The following TPTE2 variants were observed in gnomAD, a reference collection of about 807,000 sequenced individuals.
TPTE2 encodes the protein transmembrane phosphoinositide 3-phosphatase and tensin homolog 2.
In TPTE2, 53 loss-of-function variants were observed where a neutral mutation model predicts 78.6. That is an observed-to-expected ratio of 0.67 (90% CI 0.54 to 0.85). The LOEUF is 0.85. TPTE2 is among the 40% of genes least tolerant of loss of function. TPTE2 has a pLI of 0.00. For synonymous variants in TPTE2, 175 were observed against 206.2 expected, an observed-to-expected ratio of 0.85 and a Z score of 1.30; for missense variants, 461 against 623.0, an observed-to-expected ratio of 0.74 and a Z score of 2.77.
chr13:19,555,803 CTTTTTTTTTTT>C, the TPTE2 span, among the ~76,000 whole-genome samples: 4 of 81,038 alleles, frequency 4.9e-5, no homozygotes, highest in African/African-American at 1.5e-4. Flanking sequence ...CAACAAATTT[CTTTTTTTTTTT>C]TTTTTTTTTT....
chr13:19,561,468 C>A, the TPTE2 span, among the ~76,000 whole-genome samples: 1 of 152,142 alleles, frequency 6.6e-6, no homozygotes, highest in African/African-American at 2.4e-5. Context: ...TACGCCTCCC[C>A]GCAAGCCCCG....
At chr13:19,445,039 G>C (rs1877738272) in intron 13 of TPTE2, among the ~76,000 whole-genome samples, 1 of 152,034 alleles carries the variant, frequency 6.6e-6, no homozygotes, top group South Asian at 2.1e-4. Flanking sequence ...TTAAACTCAA[G>C]GAAAATTTTC....
chr13:19,520,955 T>C (rs1364043240), intron 1 of TPTE2, among the ~76,000 whole-genome samples: 7 of 152,224 alleles, frequency 4.6e-5, no homozygotes, highest in Middle Eastern at 3.4e-3. Context: ...GTTGAGAACA[T>C]GCTTTGTATG....
intron 13 of TPTE2, among the ~76,000 whole-genome samples, chr13:19,439,113 T>G (rs1388997390): frequency 6.6e-6 from 1 of 152,130 alleles, no homozygotes; most frequent in Non-Finnish European, 1.5e-5. Context: ...GCTCCACCCA[T>G]CTTGTGCCCC....
intron 1 of TPTE2, among the ~76,000 whole-genome samples, chr13:19,526,722 A>G (rs1163625785): frequency 6.8e-6 from 1 of 148,014 alleles, no homozygotes; most frequent in Non-Finnish European, 1.5e-5. Flanking sequence ...CTAAAATAAA[A>G]GTTAAAAATT....
chr13:19,510,442 C>A (rs1490089678), intron 1 of TPTE2, among the ~76,000 whole-genome samples: 1 of 152,062 alleles, frequency 6.6e-6, no homozygotes, highest in Non-Finnish European at 1.5e-5. Flanking sequence ...AGCCACTGGT[C>A]TCTTTTTAAA....
chr13:19,534,357 AG>A (rs1824501317), intron 1 of TPTE2, among the ~76,000 whole-genome samples: 1 of 152,252 alleles, frequency 6.6e-6, no homozygotes, highest in Admixed American at 6.5e-5. Context: ...CATAAGCCCC[AG>A]ACCGTCTGTA....
intron 3 of TPTE2, among the ~76,000 whole-genome samples, chr13:19,488,937 A>G (rs1365482884): frequency 6.6e-6 from 1 of 152,154 alleles, no homozygotes; most frequent in Non-Finnish European, 1.5e-5. Flanking sequence ...TTTGGTTTAA[A>G]GTGAGAGCCA....
At chr13:19,453,518 T>C (rs1370866841) in intron 10 of TPTE2, among the ~76,000 whole-genome samples, 6 of 128,798 alleles carry the variant, frequency 4.7e-5, no homozygotes, top group Non-Finnish European at 6.5e-5. Context: ...AAAAATGATA[T>C]ATATATATCA....
chr13:19,493,026 AT>A, intron 2 of TPTE2, 123 bp from the exon 6 acceptor site: 2 of 1,349,914 alleles, frequency 1.5e-6, no homozygotes, highest in South Asian at 2.6e-5. Flanking sequence ...TCTGAGTCCC[AT>A]AAAAATACTG....
At position 19,482,579 on chromosome 13, in the gene TPTE2, A is replaced by G. The variant is rs745883049; in HGVS notation, c.120-32T>C. On this transcript the variant is annotated intron_variant, in intron 3 of 19. Coordinates refer to ENST00000400230, the Ensembl canonical transcript of TPTE2. ...CCACCAAAAAAAAATGCAAAAATAT[A>G]TCATTAGATATTTGCTACACAAAAT... The G allele has an allele frequency of 1.2e-5, 19 of 1,607,888 alleles. No individual in the cohort carries two copies. In the South Asian group the frequency reaches 2.0e-4, roughly 17 times the overall value.
chr13:19,480,779 T>C (rs527838160), intron 4 of TPTE2, among the ~76,000 whole-genome samples: 18 of 152,302 alleles, frequency 1.2e-4, no homozygotes, highest in African/African-American at 4.3e-4. Flanking sequence ...ATCTTGATGT[T>C]AAAGCACATA....
intron 15 of TPTE2, among the ~76,000 whole-genome samples, chr13:19,435,340 G>A (rs1417107089): frequency 6.6e-6 from 1 of 152,186 alleles, no homozygotes; most frequent in African/African-American, 2.4e-5. Context: ...GTACTTAAAT[G>A]TCATACTAAA....
intron 10 of TPTE2, among the ~76,000 whole-genome samples, chr13:19,460,808 T>C (rs965011851): frequency 2.0e-5 from 3 of 152,202 alleles, no homozygotes; most frequent in African/African-American, 4.8e-5. Flanking sequence ...AATTAAACAA[T>C]GATCCTTTCA....
chr13:19,429,872 C>T (rs1037458179), intron 17 of TPTE2, among the ~76,000 whole-genome samples: 1 of 152,046 alleles, frequency 6.6e-6, no homozygotes, highest in African/African-American at 2.4e-5. Context: ...TACCAGGTCC[C>T]TTTTGCTTTG....
At chr13:19,493,143 A>G (rs1324774644) in intron 2 of TPTE2, among the ~76,000 whole-genome samples, 1 of 150,236 alleles carries the variant, frequency 6.7e-6, no homozygotes, top group African/African-American at 2.5e-5. Flanking sequence ...AAAGTTACTA[A>G]CAAATGCTAC....
chr13:19,428,852 G>C (rs1876342219), intron 17 of TPTE2, among the ~76,000 whole-genome samples: 1 of 152,150 alleles, frequency 6.6e-6, no homozygotes, highest in Non-Finnish European at 1.5e-5. Flanking sequence ...TCAAGCTACT[G>C]ATGGAAAAAA....
intron 1 of TPTE2, among the ~76,000 whole-genome samples, chr13:19,493,987 G>A (rs1881161504): frequency 6.6e-6 from 1 of 152,208 alleles, no homozygotes; most frequent in Admixed American, 6.5e-5. Context: ...TGCCTCCGTG[G>A]TGGCAGAGTT....
At chr13:19,425,006 T>G in exon 19 of TPTE2, 2 of 1,528,686 alleles carry the variant, frequency 1.3e-6, no homozygotes, top group Non-Finnish European at 1.8e-6. Context: ...TGTCATAGTA[T>G]TTAGGAAGAT....
Sources: allele counts gnomAD v4.1 joint callset (sites outside exome capture counted in the v4.1 genomes callset), GRCh38; gene constraint gnomAD v4.1.1; transcripts MANE v1.5; gene names NCBI Gene and HGNC (gene_info 2026-07-23, HGNC 2026-07-21).